PRKAR2B: variants seen among roughly 807,000 people sequenced by gnomAD.
PRKAR2B encodes protein kinase cAMP-dependent type II regulatory subunit beta, also known as cAMP-dependent protein kinase type II-beta regulatory subunit.
In PRKAR2B, 14 loss-of-function variants were observed where a neutral mutation model predicts 49.9. The observed-to-expected ratio is 0.28, with a 90% CI of 0.19 to 0.44. The LOEUF (loss-of-function observed/expected upper bound fraction) is 0.44. Among genes scored for constraint, PRKAR2B ranks in the 20% least tolerant of loss-of-function variants. The probability of loss-of-function intolerance (pLI) is 1.00; values close to 1 mark genes in which losing one functional copy is unlikely to be tolerated. For missense variants in PRKAR2B, 393 were observed against 537.9 expected, an observed-to-expected ratio of 0.73 and a Z score of 2.67; for synonymous variants, 196 against 197.7, an observed-to-expected ratio of 0.99 and a Z score of 0.07.
intron 6 of PRKAR2B, among the ~76,000 whole-genome samples, chr7:107,148,962 A>T (rs1562871768): frequency 6.6e-6 from 1 of 152,210 alleles, no homozygotes; most frequent in Non-Finnish European, 1.5e-5. Context: ...GAGAGATATA[A>T]CTGATTATGA....
At chr7:107,153,779 C>G (rs1468162989) in intron 8 of PRKAR2B, among the ~76,000 whole-genome samples, 1 of 152,180 alleles carries the variant, frequency 6.6e-6, no homozygotes, top group Non-Finnish European at 1.5e-5. Flanking sequence ...TGGAGTAGGG[C>G]TACCAAAAGT....
chr7:107,147,847 A>G (rs1021379760), intron 6 of PRKAR2B, among the ~76,000 whole-genome samples: 2 of 152,216 alleles, frequency 1.3e-5, no homozygotes, highest in African/African-American at 2.4e-5. Flanking sequence ...AGTCTGTTAA[A>G]AGTCTCATTT....
intron 3 of PRKAR2B, among the ~76,000 whole-genome samples, chr7:107,123,583 C>T (rs1311730568): frequency 2.6e-5 from 4 of 152,196 alleles, no homozygotes; most frequent in Admixed American, 6.5e-5. Context: ...GTCTTTGAAA[C>T]GGGTTCAGCT....
At chr7:107,153,073 G>T in intron 7 of PRKAR2B, 104 bp from the exon 8 acceptor site, 1 of 643,930 alleles carries the variant, frequency 1.6e-6, no homozygotes, top group South Asian at 2.5e-5. Flanking sequence ...CCTACACACT[G>T]CTCGATTTAT....
chr7:107,048,943 A>G (rs536261635), intron 1 of PRKAR2B, among the ~76,000 whole-genome samples: 1 of 152,070 alleles, frequency 6.6e-6, no homozygotes, highest in African/African-American at 2.4e-5. Context: ...CATAATGGAA[A>G]CCTCTTGGCA....
chr7:107,048,160 TG>T (rs1452712590), intron 1 of PRKAR2B, among the ~76,000 whole-genome samples: 16 of 152,208 alleles, frequency 1.1e-4, no homozygotes, highest in Non-Finnish European at 1.6e-4. Flanking sequence ...TATCTCCAGA[TG>T]GGGCTGGGGC....
intron 4 of PRKAR2B, among the ~76,000 whole-genome samples, chr7:107,139,381 G>A (rs1055331901): frequency 6.6e-6 from 1 of 152,136 alleles, no homozygotes; most frequent in South Asian, 2.1e-4. Flanking sequence ...GTTCTAATTT[G>A]TTTAGTTTCT....
At chr7:107,138,469 A>G (rs1389211130) in intron 4 of PRKAR2B, among the ~76,000 whole-genome samples, 2 of 151,882 alleles carry the variant, frequency 1.3e-5, no homozygotes, top group African/African-American at 4.8e-5. Context: ...GCTGGAGTGC[A>G]GTGTAACAGT....
At chr7:107,062,075 C>T (rs558008839) in intron 1 of PRKAR2B, among the ~76,000 whole-genome samples, 3 of 152,096 alleles carry the variant, frequency 2.0e-5, no homozygotes, top group Non-Finnish European at 4.4e-5. Flanking sequence ...CCTATATGGT[C>T]CTGGAGGGCA....
Position 107,095,476 on chromosome 7 carries a change from T to C in PRKAR2B, c.343+25160T>C, listed in dbSNP as rs556107070. Reference sequence around the variant, plus strand: ...GGGACAATTTGACTTCCTCTTTTCCTAATTGAATACCCTTTATTTCTTTCT... The same window carrying C: ...GGGACAATTTGACTTCCTCTTTTCCCAATTGAATACCCTTTATTTCTTTCT... On this transcript the variant is annotated intron_variant, in intron 2 of 10. Coordinates refer to ENST00000265717, the MANE Select transcript of PRKAR2B (RefSeq NM_002736.3). Among the ~76,000 whole-genome samples, 176 of 152,338 alleles carry C rather than the reference T, an allele frequency of 1.2e-3. 1 individual carries two copies. Among genetic ancestry groups the C allele is most frequent in the African/African-American group, 4.1e-3 (169 of 41,576 alleles).
chr7:107,126,251 C>CAAA (rs528961832), intron 3 of PRKAR2B, among the ~76,000 whole-genome samples: 2 of 85,468 alleles, frequency 2.3e-5, no homozygotes, highest in Admixed American at 2.7e-4. Context: ...ATACAAAATA[C>CAAA]AAAAAAAAAA....
intron 1 of PRKAR2B, among the ~76,000 whole-genome samples, chr7:107,049,133 A>T (rs540375247): frequency 2.0e-5 from 3 of 152,368 alleles, no homozygotes; most frequent in Non-Finnish European, 4.4e-5. Context: ...TATAGGCATC[A>T]TCAAGAGATC....
intron 2 of PRKAR2B, among the ~76,000 whole-genome samples, chr7:107,108,558 A>G (rs935095548): frequency 5.3e-5 from 8 of 152,174 alleles, no homozygotes; most frequent in Non-Finnish European, 7.4e-5. Flanking sequence ...TCAAGGGGGA[A>G]CAGAGGGGAG....
At chr7:107,053,948 T>G (rs1371121755) in intron 1 of PRKAR2B, among the ~76,000 whole-genome samples, 1 of 152,250 alleles carries the variant, frequency 6.6e-6, no homozygotes, top group Admixed American at 6.5e-5. Flanking sequence ...TTTGCTTTCT[T>G]GTAACTTTTG....
At chr7:107,079,893 C>T (rs987266296) in intron 2 of PRKAR2B, among the ~76,000 whole-genome samples, 2 of 152,142 alleles carry the variant, frequency 1.3e-5, no homozygotes, top group African/African-American at 4.8e-5. Flanking sequence ...GAAGATTTCT[C>T]CAGGCATGTG....
chr7:107,147,407 A>C (rs1037752208), intron 6 of PRKAR2B, among the ~76,000 whole-genome samples: 2 of 152,212 alleles, frequency 1.3e-5, no homozygotes, highest in Non-Finnish European at 2.9e-5. Context: ...TACATTTCTT[A>C]ATGTGGTATT....
intron 2 of PRKAR2B, among the ~76,000 whole-genome samples, chr7:107,073,466 G>A (rs2116777031): frequency 6.6e-6 from 1 of 152,208 alleles, no homozygotes. Flanking sequence ...CATCTTACTT[G>A]GTACAGGAGT....
At chr7:107,063,178 A>G (rs1449892139) in intron 1 of PRKAR2B, among the ~76,000 whole-genome samples, 2 of 151,966 alleles carry the variant, frequency 1.3e-5, no homozygotes, top group Non-Finnish European at 1.5e-5. Context: ...TAATTTTTGT[A>G]TTTTTAATAG....
intron 2 of PRKAR2B, among the ~76,000 whole-genome samples, chr7:107,080,070 A>G (rs901522152): frequency 2.0e-5 from 3 of 152,178 alleles, no homozygotes; most frequent in Admixed American, 1.3e-4. Flanking sequence ...CAACTTGGAC[A>G]TTGACTGCCT....
Sources: gnomAD v4.1 joint callset for allele counts (sites outside exome capture counted in the v4.1 genomes callset) on GRCh38, gnomAD v4.1.1 for gene constraint, MANE v1.5 for transcripts, NCBI Gene and HGNC (gene_info 2026-07-23, HGNC 2026-07-21) for gene names.